The following DOK1 variants were observed in gnomAD, a reference collection of about 807,000 sequenced individuals.
DOK1 encodes the protein docking protein 1.
DOK1 carries 12 observed loss-of-function variants against 24.0 expected under a neutral mutation model. The ratio of observed to expected loss-of-function variants is 0.50; its 90% confidence interval spans 0.32 to 0.81. DOK1 has a LOEUF of 0.81. DOK1 is among the 30% of genes least tolerant of loss of function. The probability of loss-of-function intolerance (pLI) is 0.03; values close to 1 mark genes in which losing one functional copy is unlikely to be tolerated. For missense variants in DOK1, 591 were observed against 620.7 expected (o/e 0.95, Z 0.51); for synonymous variants, 250 against 260.9 (o/e 0.96, Z 0.40).
chr2:74,555,350 C>T lies in DOK1; in HGVS notation c.257C>T (p.Ala86Val), dbSNP rs1458271312. Residue 86 changes from alanine (A) to valine (V), a missense_variant, in exon 2 of 5, where the codon GCC (alanine) becomes GTC (valine). Coordinates refer to ENST00000233668, the MANE Select transcript of DOK1 (RefSeq NM_001381.5). The surrounding 1 kb of genome is among the most constrained non-coding windows in gnomAD (Gnocchi z 6.1). Reference sequence around the variant, plus strand: ...GTGGAGACCCCCCCTGAGCCCGGCGCCACTGCCTTCCGCCTGGACACTGCT... The same window carrying T: ...GTGGAGACCCCCCCTGAGCCCGGCGTCACTGCCTTCCGCCTGGACACTGCT... ...VTVETPPEPGATAFRLDTAQR... is the reference protein window; with the variant it reads ...VTVETPPEPGVTAFRLDTAQR... 9.9e-6 allele frequency: 16 copies of T among 1,613,694 alleles called. No individual in the cohort carries two copies. Among genetic ancestry groups the T allele is most frequent in the Non-Finnish European group, 1.4e-5 (16 of 1,179,932 alleles).
Position 74,555,907 on chromosome 2 carries a change from G to C in DOK1, c.468G>C (p.Trp156Cys), listed in dbSNP as rs754665860. The C allele has an allele frequency of 9.3e-6, 15 of 1,605,726 alleles. No individual in the cohort carries two copies. The South Asian group carries it at 1.2e-4, about 13-fold the overall frequency. The part of the protein sequence containing the change: ...YSPTWEGSQF[W>C]VTVQRTEAAE... ...TATGCCTTCCAGGATCCCAATTCTG[G>C]GTAACGGTGCAGAGGACTGAGGCCG... Residue 156 changes from tryptophan (W) to cysteine (C), a missense_variant, in exon 4 of 5, where the codon TGG becomes TGC. By Grantham distance (215) the Trp-to-Cys change is radical (BLOSUM62 -2). Coordinates refer to ENST00000233668, the MANE Select transcript of DOK1 (RefSeq NM_001381.5). The surrounding 1 kb of genome is among the most constrained non-coding windows in gnomAD (Gnocchi z 6.1).
At position 74,556,770 on chromosome 2, in the gene DOK1, C is replaced by G; in HGVS notation, c.1102C>G (p.Leu368Val). The part of the protein sequence containing the change: ...EDPIYDEPEG[L>V]APVPPQGLYD... ...TCCCATCTATGATGAACCTGAGGGC[C>G]TGGCCCCAGTCCCTCCCCAGGGCCT... The change falls in exon 5 of 5, where the codon CTG (leucine) becomes GTG (valine). Residue 368 changes from leucine (L) to valine (V), a missense_variant. Transcript: ENST00000233668. The surrounding 1 kb of genome is among the most constrained non-coding windows in gnomAD (Gnocchi z 4.1). 6.2e-7 allele frequency: 1 copy of G among 1,614,192 alleles called. No individual in the cohort carries two copies. Among genetic ancestry groups the G allele is most frequent in the Non-Finnish European group, 8.5e-7 (1 of 1,180,022 alleles).
At chr2:74,554,634 C>T (rs1258566566), upstream of DOK1, 12 of 917,914 alleles carry the variant, frequency 1.3e-5, no homozygotes, top group Non-Finnish European at 1.8e-5. This position sits in a 1 kb window ranked among gnomAD's most constrained non-coding sequence, Gnocchi z 4.9. Context: ...CACCGCGACC[C>T]CCCCAGCGGC....
upstream of DOK1, chr2:74,550,157 T>G: frequency 6.2e-7 from 1 of 1,603,548 alleles, no homozygotes; most frequent in Non-Finnish European, 8.5e-7. Flanking sequence ...CTGGGTAGTG[T>G]GTGTGTGTAT....
chr2:74,556,458 G>A lies in DOK1; in HGVS notation c.790G>A (p.Val264Ile). 1 of 1,614,202 alleles carries A rather than the reference G, an allele frequency of 6.2e-7. No individual in the cohort carries two copies. Among genetic ancestry groups the A allele is most frequent in the Non-Finnish European group, 8.5e-7 (1 of 1,180,038 alleles). ...GGGAAAGGCCGGACAGGGGCACGAT[G>A]TTCTCAGAGCTGACTCCCATGAAGG... ...AQGKAGQGHD[V>I]LRADSHEGEV... The change falls in exon 5 of 5, where the codon GTT (valine) becomes ATT (isoleucine). Residue 264 changes from valine (V) to isoleucine (I), a missense_variant. Transcript: ENST00000233668. The surrounding 1 kb of genome is among the most constrained non-coding windows in gnomAD (Gnocchi z 4.1).
upstream of DOK1, chr2:74,552,642 A>C (rs758230764): frequency 6.5e-7 from 1 of 1,535,694 alleles, no homozygotes; most frequent in East Asian, 2.4e-5. Flanking sequence ...CATGGCAGGG[A>C]AGGCCTGGGT....
In DOK1 at chr2:74,555,939, G is replaced by A. The variant is rs138798108; in HGVS notation, c.500G>A (p.Arg167His). Reference sequence around the variant, plus strand: ...GTGCAGAGGACTGAGGCCGCCGAGCGCTGTGGCCTGCATGGCTCCTACGTG... The same window carrying A: ...GTGCAGAGGACTGAGGCCGCCGAGCACTGTGGCCTGCATGGCTCCTACGTG... ...VTVQRTEAAE[R>H]CGLHGSYVLR... Residue 167 changes from arginine to histidine, a missense_variant, in exon 4 of 5, where the codon CGC (arginine) becomes CAC (histidine). Arg to His is a conservative substitution (Grantham distance 29). Coordinates refer to ENST00000233668, the MANE Select transcript of DOK1 (RefSeq NM_001381.5). The surrounding 1 kb of genome is among the most constrained non-coding windows in gnomAD (Gnocchi z 6.1). The A allele has an allele frequency of 3.1e-6, 5 of 1,613,348 alleles. No individual in the cohort carries two copies. The highest frequency in any genetic ancestry group is 4.2e-6 in the Non-Finnish European group (5 of 1,179,668).
chr2:74,555,003 C>T lies in DOK1; in HGVS notation c.61-151C>T, dbSNP rs954900947. The T allele has an allele frequency of 7.3e-7, 1 of 1,365,326 alleles. No homozygotes were observed. The highest frequency in any genetic ancestry group is 2.5e-5 in the East Asian group (1 of 39,878). 84.6% of individuals were successfully genotyped at this position (1,365,326 alleles called of 1,614,324 possible). On this transcript the variant is annotated intron_variant, in intron 1 of 4. Transcript: ENST00000233668. This position sits in a 1 kb window ranked among gnomAD's most constrained non-coding sequence, Gnocchi z 6.1. ...TCTAGGGGTTCTGGTCCTGGGGAGA[C>T]GGAGTGGCATCGTCCTTGGGAAACT...
Position 74,555,199 on chromosome 2 carries a change from G to A in DOK1, c.106G>A (p.Gly36Ser). 6.2e-7 allele frequency: 1 copy of A among 1,613,496 alleles called. No homozygotes were observed. The highest frequency in any genetic ancestry group is 1.1e-5 in the South Asian group (1 of 91,068). Residue 36 changes from glycine (G) to serine (S), a missense_variant, in exon 2 of 5, where the codon GGC becomes AGC. By Grantham distance (56) the Gly-to-Ser change is moderately conservative. Transcript: ENST00000233668. The surrounding 1 kb of genome is among the most constrained non-coding windows in gnomAD (Gnocchi z 6.1). ...CGTGCTCTACCCGGCCAGTCCCCAC[G>A]GCGTAGCGCGGCTCGAGTTCTTTGA... Reference protein sequence around the residue: ...WAVLYPASPHGVARLEFFDHK... With the variant: ...WAVLYPASPHSVARLEFFDHK...
chr2:74,556,100 G>A lies in DOK1; in HGVS notation c.639+22G>A. ...CAAGGTGCAGGGGCTGTCCGGGAGG[G>A]CTTCCTGGGTTGGGCAGCTGTGGGA... On this transcript the variant is annotated intron_variant, in intron 4 of 4. Transcript: ENST00000233668. The surrounding 1 kb of genome is among the most constrained non-coding windows in gnomAD (Gnocchi z 4.1). 6.4e-7 allele frequency: 1 copy of A among 1,557,898 alleles called. No homozygotes were observed. The highest frequency in any genetic ancestry group is 8.7e-7 in the Non-Finnish European group (1 of 1,149,518).
chr2:74,549,955 C>A, upstream of DOK1: 1 of 985,440 alleles, frequency 1.0e-6, no homozygotes, highest in Non-Finnish European at 1.2e-6. The surrounding 1 kb of genome is among the most constrained non-coding windows in gnomAD (Gnocchi z 5.3). Flanking sequence ...CCAGGGGTGA[C>A]TAGGGATGAA....
At chr2:74,550,226 C>T (rs760294558), upstream of DOK1, 10 of 1,614,176 alleles carry the variant, frequency 6.2e-6, no homozygotes, top group African/African-American at 1.3e-4. Context: ...AGGCGCTGGT[C>T]TTTGCAGATG....
At position 74,556,725 on chromosome 2, in the gene DOK1, C is replaced by A. The variant is rs760904233; in HGVS notation, c.1057C>A (p.Leu353Met). The A allele has an allele frequency of 3.7e-6, 6 of 1,614,110 alleles. No individual in the cohort carries two copies. Among genetic ancestry groups the A allele is most frequent in the Non-Finnish European group, 5.1e-6 (6 of 1,180,046 alleles). ...HAQQQLLKAK[L>M]TDPKEDPIYD... Reference sequence around the variant, plus strand: ...GCAGCAGCAGTTGCTGAAGGCCAAGCTGACAGACCCCAAAGAGGATCCCAT... The same window carrying A: ...GCAGCAGCAGTTGCTGAAGGCCAAGATGACAGACCCCAAAGAGGATCCCAT... Residue 353 changes from leucine to methionine, a missense_variant, in exon 5 of 5, where the codon CTG becomes ATG. Transcript: ENST00000233668. This position sits in a 1 kb window ranked among gnomAD's most constrained non-coding sequence, Gnocchi z 4.1.
upstream of DOK1, chr2:74,552,309 G>A (rs770359522): frequency 1.9e-6 from 3 of 1,589,204 alleles, no homozygotes; most frequent in South Asian, 2.2e-5. Flanking sequence ...GATATGCCTG[G>A]ATCATTGCTC....
upstream of DOK1, chr2:74,554,476 CCA>C (rs958457327): frequency 2.5e-5 from 13 of 522,728 alleles, no homozygotes; most frequent in African/African-American, 2.0e-4. The surrounding 1 kb of genome is among the most constrained non-coding windows in gnomAD (Gnocchi z 4.9). Flanking sequence ...GCCACCACGC[CCA>C]GAGGCCAGGG....
upstream of DOK1, chr2:74,550,435 G>T: frequency 7.1e-7 from 1 of 1,399,052 alleles, no homozygotes; most frequent in Non-Finnish European, 9.8e-7. Context: ...GAGTGCTGAG[G>T]CCTCCCACTT....
chr2:74,552,327 C>T (rs1677068611), upstream of DOK1: 1 of 1,597,370 alleles, frequency 6.3e-7, no homozygotes, highest in African/African-American at 1.3e-5. Context: ...CTCACCTGTT[C>T]CAGGGCCATA....
upstream of DOK1, chr2:74,550,317 A>G (rs1195873134): frequency 1.9e-6 from 3 of 1,613,914 alleles, no homozygotes; most frequent in Admixed American, 1.7e-5. Flanking sequence ...GCTCGGTCCC[A>G]CTGCAGCTCA....
Position 74,555,111 on chromosome 2 carries a change from T to G in DOK1, c.61-43T>G. ...CTTCCCCGTCGGGACCCGGGCCGCC[T>G]GCGCACGCCACTCCCTCTCGAGCAC... On this transcript the variant is annotated intron_variant, in intron 1 of 4. Coordinates refer to ENST00000233668, the MANE Select transcript of DOK1 (RefSeq NM_001381.5). This position sits in a 1 kb window ranked among gnomAD's most constrained non-coding sequence, Gnocchi z 6.1. 6.4e-7 allele frequency: 1 copy of G among 1,571,694 alleles called. No homozygotes were observed.
Sources: allele counts gnomAD v4.1 joint callset, GRCh38; gene constraint gnomAD v4.1.1; non-coding constraint Gnocchi (gnomAD v3.1); transcripts MANE v1.5; gene names NCBI Gene and HGNC (gene_info 2026-07-23, HGNC 2026-07-21).